The following TACR1 variants were observed in gnomAD, a reference collection of about 807,000 sequenced individuals.
TACR1 encodes the protein tachykinin receptor 1.
TACR1 carries 25 observed loss-of-function variants against 35.8 expected under a neutral mutation model. The observed-to-expected ratio is 0.70, with a 90% CI of 0.51 to 0.98. TACR1 has a LOEUF of 0.98. Among genes scored for constraint, TACR1 ranks in the 50% least tolerant of loss-of-function variants. The pLI, the probability that TACR1 is intolerant of heterozygous loss-of-function variation, is 0.00. For synonymous variants in TACR1, 195 were observed against 206.7 expected (o/e 0.94, Z 0.48); for missense variants, 478 against 522.9 (o/e 0.91, Z 0.84).
chr2:75,142,856 T>C (rs1408920742), intron 1 of TACR1, among the ~76,000 whole-genome samples: 2 of 152,202 alleles, frequency 1.3e-5, no homozygotes, highest in Non-Finnish European at 2.9e-5. Context: ...AATTGGAATC[T>C]TCCAGAGCCA....
At chr2:75,093,971 C>G (rs555119534) in intron 2 of TACR1, among the ~76,000 whole-genome samples, 1 of 152,198 alleles carries the variant, frequency 6.6e-6, no homozygotes, top group East Asian at 1.9e-4. Flanking sequence ...GGTCACACAG[C>G]ATGTTAGAGG....
chr2:75,195,406 C>A (rs1179926039), intron 1 of TACR1, among the ~76,000 whole-genome samples: 5 of 127,412 alleles, frequency 3.9e-5, no homozygotes, highest in African/African-American at 8.4e-5. Flanking sequence ...TTCCTTTCCC[C>A]CCATCCCTTT....
rs1417365160 is a variant in TACR1 at position 75,054,111 on chromosome 2, A to AC, written c.585-357dup. On this transcript the variant is annotated intron_variant, in intron 2 of 4. Transcript: ENST00000305249. ...AGTTCAATATCACTTGCCCCACACC[A>AC]CCCCCCAAAACAAGAATGCAAACTC... Among the ~76,000 whole-genome samples the AC allele has an allele frequency of 3.3e-5, 5 of 152,062 alleles. No individual in the cohort carries two copies. In the South Asian group the frequency reaches 8.3e-4, roughly 25 times the overall value.
rs779454541 is a variant in TACR1 at position 75,049,487 on chromosome 2, C to G, written c.1169G>C (p.Ser390Thr). The change falls in exon 5 of 5, where the codon AGT becomes ACT. Residue 390 changes from serine (S) to threonine (T), a missense_variant. Coordinates refer to ENST00000305249, the MANE Select transcript of TACR1 (RefSeq NM_001058.4). The stretch of plus-strand genomic sequence containing the variant: ...GCTCTCTGTCATGGTCTTGGAGTCA[C>G]TTCGTGAAGAGCAGTTGGAGGTCAG... Reference protein sequence around the residue: ...LDLTSNCSSRSDSKTMTESFS... With the variant: ...LDLTSNCSSRTDSKTMTESFS... 3.1e-6 allele frequency: 5 copies of G among 1,614,220 alleles called. No individual in the cohort carries two copies. The South Asian group carries it at 5.5e-5, about 18-fold the overall frequency.
intron 1 of TACR1, among the ~76,000 whole-genome samples, chr2:75,155,709 CAAGA>C (rs1674833728): frequency 6.6e-6 from 1 of 152,148 alleles, no homozygotes; most frequent in African/African-American, 2.4e-5. Flanking sequence ...ATCCACATAA[CAAGA>C]GAGAGAGTTT....
intron 2 of TACR1, among the ~76,000 whole-genome samples, chr2:75,094,779 C>A (rs1006754489): frequency 6.9e-6 from 1 of 145,434 alleles, no homozygotes; most frequent in East Asian, 2.0e-4. Flanking sequence ...CAAGGATGGG[C>A]AAGAATTTCA....
chr2:75,173,413 A>T (rs114342825), intron 1 of TACR1, among the ~76,000 whole-genome samples: 2,082 of 152,300 alleles, frequency 0.014, 49 homozygotes, highest in African/African-American at 0.048. Context: ...CTTTACTGTA[A>T]CTATACTATA....
At chr2:75,157,541 G>T (rs1354154625) in intron 1 of TACR1, among the ~76,000 whole-genome samples, 1 of 152,166 alleles carries the variant, frequency 6.6e-6, no homozygotes, top group Non-Finnish European at 1.5e-5. Context: ...GTCAAAGAAG[G>T]GGCAGGTAAG....
intron 1 of TACR1, among the ~76,000 whole-genome samples, chr2:75,184,874 G>A (rs1165447660): frequency 6.6e-6 from 1 of 151,678 alleles, no homozygotes; most frequent in Non-Finnish European, 1.5e-5. Flanking sequence ...CATAGACTAT[G>A]CATCATGTTC....
At chr2:75,152,522 G>C (rs759295973) in intron 1 of TACR1, among the ~76,000 whole-genome samples, 1 of 152,188 alleles carries the variant, frequency 6.6e-6, no homozygotes, top group African/African-American at 2.4e-5. Context: ...ATGTGGAGCT[G>C]TAAGTCCAAT....
chr2:75,053,197 A>G (rs1434233786), intron 3 of TACR1, among the ~76,000 whole-genome samples: 3 of 152,050 alleles, frequency 2.0e-5, no homozygotes, highest in Non-Finnish European at 2.9e-5. Flanking sequence ...AGCCCCCTCA[A>G]ACACTGACTC....
At chr2:75,096,891 C>T (rs1673434893) in intron 2 of TACR1, among the ~76,000 whole-genome samples, 1 of 152,176 alleles carries the variant, frequency 6.6e-6, no homozygotes, top group African/African-American at 2.4e-5. Flanking sequence ...GCCAAACCCT[C>T]CATGTGGGCT....
chr2:75,064,132 A>G (rs1223712558), intron 2 of TACR1, among the ~76,000 whole-genome samples: 1 of 152,044 alleles, frequency 6.6e-6, no homozygotes, highest in East Asian at 1.9e-4. Context: ...ATTGCTAGGA[A>G]TGGCTCAAGA....
At chr2:75,188,860 T>C (rs987380798) in intron 1 of TACR1, 1 of 152,192 alleles carries the variant, frequency 6.6e-6, no homozygotes, top group Admixed American at 6.5e-5. Flanking sequence ...GAGCCTGGCT[T>C]TGTTAAACCC....
At chr2:75,162,040 T>C (rs1203895060) in intron 1 of TACR1, among the ~76,000 whole-genome samples, 1 of 60,072 alleles carries the variant, frequency 1.7e-5, no homozygotes, top group African/African-American at 1.0e-4. Context: ...GTATTGACTC[T>C]TCCAAAAAAA....
intron 1 of TACR1, among the ~76,000 whole-genome samples, chr2:75,137,947 G>C (rs1325538038): frequency 6.6e-6 from 1 of 152,068 alleles, no homozygotes; most frequent in Non-Finnish European, 1.5e-5. Flanking sequence ...GCATATAGTG[G>C]TAGGCTTCAT....
At chr2:75,175,614 TCTCTGACTTTGACC>T (rs1424600740) in intron 1 of TACR1, among the ~76,000 whole-genome samples, 2 of 152,264 alleles carry the variant, frequency 1.3e-5, no homozygotes, top group African/African-American at 4.8e-5. Flanking sequence ...TTCAAATCTC[TCTCTGACTTTGACC>T]CTCCCGCTGA....
At chr2:75,140,585 C>A (rs936309480) in intron 1 of TACR1, among the ~76,000 whole-genome samples, 1 of 152,176 alleles carries the variant, frequency 6.6e-6, no homozygotes, top group Non-Finnish European at 1.5e-5. Flanking sequence ...TCTGAAGACT[C>A]AACTCAGGGT....
chr2:75,150,252 GA>G (rs1290050778), intron 1 of TACR1, among the ~76,000 whole-genome samples: 2 of 152,196 alleles, frequency 1.3e-5, no homozygotes, highest in Non-Finnish European at 2.9e-5. Flanking sequence ...TAGTGAAAAA[GA>G]GAAACATGCT....
Sources: allele counts gnomAD v4.1 joint callset (sites outside exome capture counted in the v4.1 genomes callset), GRCh38; gene constraint gnomAD v4.1.1; transcripts MANE v1.5; gene names NCBI Gene and HGNC (gene_info 2026-07-23, HGNC 2026-07-21).